FOXN3: variants seen among roughly 807,000 people sequenced by gnomAD.
FOXN3 encodes the protein forkhead box N3, also known as forkhead box protein N3.
In FOXN3, 7 loss-of-function variants were observed where a neutral mutation model predicts 38.4. That is an observed-to-expected ratio of 0.18 (90% CI 0.10 to 0.34). The LOEUF (loss-of-function observed/expected upper bound fraction) is 0.34. FOXN3 is among the 10% of genes least tolerant of loss of function. FOXN3 has a pLI of 1.00. For synonymous variants in FOXN3, 230 were observed against 242.2 expected, an observed-to-expected ratio of 0.95 and a Z score of 0.47; for missense variants, 456 against 613.4, an observed-to-expected ratio of 0.74 and a Z score of 2.71.
chr14:89,446,894 T>C (rs928392845), intron 1 of FOXN3, among the ~76,000 whole-genome samples: 2 of 152,236 alleles, frequency 1.3e-5, no homozygotes, highest in Non-Finnish European at 2.9e-5. Context: ...CAGATCTCTA[T>C]TTCCTTAAAA....
At chr14:89,611,739 G>A (rs556928075) in intron 1 of FOXN3, among the ~76,000 whole-genome samples, 1 of 150,604 alleles carries the variant, frequency 6.6e-6, no homozygotes, top group African/African-American at 2.5e-5. Context: ...CTGGGAGGCG[G>A]AGCTTGCAGT....
In FOXN3 at chr14:89,304,417, G is replaced by A. The variant is rs899684433; in HGVS notation, c.681-23403C>T. 5.3e-5 allele frequency among the ~76,000 whole-genome samples: 8 copies of A among 152,278 alleles called. No individual in the cohort carries two copies. In the East Asian group the frequency reaches 1.5e-3, roughly 29 times the overall value. ...AAGACAGGAGAGAGATGTTTGTTGA[G>A]ATGTGAGATTTCTGACTATGGTGGA... On this transcript the variant is annotated intron_variant, in intron 3 of 5. Coordinates refer to ENST00000557258, the MANE Select transcript of FOXN3 (RefSeq NM_005197.4).
At chr14:89,434,527 G>C (rs1422579171) in intron 1 of FOXN3, among the ~76,000 whole-genome samples, 1 of 152,076 alleles carries the variant, frequency 6.6e-6, no homozygotes, top group Non-Finnish European at 1.5e-5. Context: ...ACCGTGCCTG[G>C]CCTTATCAGA....
intron 4 of FOXN3, among the ~76,000 whole-genome samples, chr14:89,240,680 G>T (rs569975653): frequency 6.6e-6 from 1 of 152,362 alleles, no homozygotes; most frequent in South Asian, 2.1e-4. Context: ...GAGGAAACTG[G>T]TCATCGTGGT....
chr14:89,235,912 G>A (rs1884966669), intron 4 of FOXN3, among the ~76,000 whole-genome samples: 1 of 143,574 alleles, frequency 7.0e-6, no homozygotes, highest in African/African-American at 3.0e-5. Context: ...TTATAAATTT[G>A]TGTTGTTTGA....
chr14:89,395,817 G>C (rs1019177544), intron 2 of FOXN3, among the ~76,000 whole-genome samples: 51 of 151,806 alleles, frequency 3.4e-4, no homozygotes, highest in African/African-American at 1.1e-3. Flanking sequence ...TAAGGCTGGA[G>C]GGGGGGGAGT....
chr14:89,406,250 C>T (rs1378029402), intron 2 of FOXN3, among the ~76,000 whole-genome samples: 2 of 140,580 alleles, frequency 1.4e-5, no homozygotes, highest in Admixed American at 7.2e-5. Context: ...CGCAGCCCTA[C>T]AAAAAAAAAA....
chr14:89,505,260 C>G (rs1893889366), intron 1 of FOXN3, among the ~76,000 whole-genome samples: 1 of 151,542 alleles, frequency 6.6e-6, no homozygotes, highest in South Asian at 2.1e-4. Context: ...CTCCCTCTCC[C>G]TCTCCCTCTC....
chr14:89,523,633 G>A (rs1466118506), intron 1 of FOXN3, among the ~76,000 whole-genome samples: 1 of 152,094 alleles, frequency 6.6e-6, no homozygotes, highest in Non-Finnish European at 1.5e-5. Flanking sequence ...AAATCAGAAA[G>A]TACTTCTAAC....
At chr14:89,362,467 T>A (rs1223866462) in intron 2 of FOXN3, among the ~76,000 whole-genome samples, 1 of 6,650 alleles carries the variant, frequency 1.5e-4, no homozygotes, top group African/African-American at 4.4e-4. Context: ...CACCACCTCC[T>A]CCTCCACCAC....
intron 3 of FOXN3, among the ~76,000 whole-genome samples, chr14:89,333,876 A>G (rs1009907947): frequency 1.3e-5 from 2 of 150,798 alleles, no homozygotes; most frequent in African/African-American, 2.4e-5. Flanking sequence ...TGGCACTCTC[A>G]ATTTCATTGC....
chr14:89,162,757 C>T lies in FOXN3; in HGVS notation c.1064G>A (p.Ser355Asn), dbSNP rs754709521. The T allele has an allele frequency of 1.2e-6, 2 of 1,612,774 alleles. No individual in the cohort carries two copies. The highest frequency in any genetic ancestry group is 1.1e-5 in the South Asian group (1 of 91,044). The change falls in exon 6 of 6, where the codon AGC becomes AAC. Residue 355 changes from serine (S) to asparagine (N), a missense_variant. Coordinates refer to ENST00000557258, the MANE Select transcript of FOXN3 (RefSeq NM_005197.4). This position sits in a 1 kb window ranked among gnomAD's most constrained non-coding sequence, Gnocchi z 7.2. ...EFATKGSQEGSEGSEGSFRSH... is the reference protein window; with the variant it reads ...EFATKGSQEGNEGSEGSFRSH... ...CCGGAAGCTCCCCTCGCTGCCCTCG[C>T]TGCCCTCCTGGCTCCCCTTGGTGGC...
At chr14:89,388,424 G>C (rs1037942475) in intron 2 of FOXN3, among the ~76,000 whole-genome samples, 2 of 152,164 alleles carry the variant, frequency 1.3e-5, no homozygotes, top group Admixed American at 1.3e-4. Context: ...GCTGGGTGTG[G>C]GCCACAGGGC....
At chr14:89,317,220 G>A (rs912101580) in intron 3 of FOXN3, among the ~76,000 whole-genome samples, 3 of 152,178 alleles carry the variant, frequency 2.0e-5, no homozygotes, top group Non-Finnish European at 4.4e-5. Flanking sequence ...AAGCTCATAG[G>A]ATGAAATCAT....
intron 1 of FOXN3, among the ~76,000 whole-genome samples, chr14:89,508,496 G>T (rs1321787434): frequency 2.0e-5 from 3 of 152,202 alleles, no homozygotes; most frequent in Non-Finnish European, 4.4e-5. Context: ...TCTGATGGAT[G>T]GGGAAAGCGG....
intron 4 of FOXN3, among the ~76,000 whole-genome samples, chr14:89,204,051 TTA>T (rs1491524254): frequency 7.1e-5 from 5 of 70,582 alleles, no homozygotes; most frequent in African/African-American, 1.6e-4. Context: ...GCATACTCCC[TTA>T]CACACACACA....
At chr14:89,515,151 G>A (rs183540872) in intron 1 of FOXN3, among the ~76,000 whole-genome samples, 72 of 151,886 alleles carry the variant, frequency 4.7e-4, no homozygotes, top group Non-Finnish European at 4.9e-4. Flanking sequence ...TCAAACTCCT[G>A]ACCTCAAGTG....
At position 89,167,069 on chromosome 14, in the gene FOXN3, A is replaced by T. The variant is rs112530273; in HGVS notation, c.852-4100T>A. 3.4e-3 allele frequency among the ~76,000 whole-genome samples: 522 copies of T among 152,360 alleles called. 2 individuals are homozygous for T. The highest frequency in any genetic ancestry group is 0.012 in the African/African-American group (498 of 41,580). ...GTGTAACGATATTGCAATTAGCATAAATCAGAGCCACCTGATTTTACTGGG... is the reference window on the plus strand; with the variant it reads ...GTGTAACGATATTGCAATTAGCATATATCAGAGCCACCTGATTTTACTGGG... On this transcript the variant is annotated intron_variant, in intron 5 of 5. Coordinates refer to ENST00000557258, the MANE Select transcript of FOXN3 (RefSeq NM_005197.4).
intron 3 of FOXN3, among the ~76,000 whole-genome samples, chr14:89,328,279 A>C (rs1888133109): frequency 6.6e-6 from 1 of 152,246 alleles, no homozygotes; most frequent in South Asian, 2.1e-4. Context: ...CCCTAGATGA[A>C]TGGGCGAAGA....
Sources: gnomAD v4.1 joint callset for allele counts (sites outside exome capture counted in the v4.1 genomes callset) on GRCh38, gnomAD v4.1.1 for gene constraint, Gnocchi (gnomAD v3.1) non-coding constraint, MANE v1.5 for transcripts, NCBI Gene and HGNC (gene_info 2026-07-23, HGNC 2026-07-21) for gene names.